The following CCN4 variants were observed in gnomAD, a reference collection of about 807,000 sequenced individuals.
CCN4 encodes cellular communication network factor 4.
CCN4 carries 30 observed loss-of-function variants against 36.7 expected under a neutral mutation model. The observed-to-expected ratio is 0.82, with a 90% CI of 0.61 to 1.11. The LOEUF (loss-of-function observed/expected upper bound fraction) is 1.11. CCN4 is among the 50% of genes least tolerant of loss of function. CCN4 has a pLI of 0.00. For synonymous variants in CCN4, 191 were observed against 195.4 expected (o/e 0.98, Z 0.19); for missense variants, 505 against 504.9 (o/e 1.00, Z 0.00).
rs1401755652 is a variant in CCN4 at position 133,193,372 on chromosome 8, G to A, written c.69+2159G>A. Among the ~76,000 whole-genome samples, 9 of 152,330 alleles carry A rather than the reference G, an allele frequency of 5.9e-5. No homozygotes were observed. In the South Asian group the frequency reaches 1.0e-3, roughly 18 times the overall value. ...CTGTAAAGATTCTGCAGTGGAAGGAGGAAGATGGCAGCCCAGAAGGAGATC... is the reference window on the plus strand; with the variant it reads ...CTGTAAAGATTCTGCAGTGGAAGGAAGAAGATGGCAGCCCAGAAGGAGATC... On this transcript the variant is annotated intron_variant, in intron 1 of 4. Transcript: ENST00000250160.
intron 1 of CCN4, among the ~76,000 whole-genome samples, chr8:133,205,737 G>A (rs1853748055): frequency 6.6e-6 from 1 of 152,208 alleles, no homozygotes; most frequent in Non-Finnish European, 1.5e-5. Flanking sequence ...CCTGGGGTTT[G>A]AGGATGAGCC....
At chr8:133,221,059 T>C (rs776632477) in intron 3 of CCN4, among the ~76,000 whole-genome samples, 4 of 152,210 alleles carry the variant, frequency 2.6e-5, no homozygotes, top group Non-Finnish European at 4.4e-5. Context: ...CCTCCCAGCA[T>C]AAAATGAGGA....
intron 1 of CCN4, among the ~76,000 whole-genome samples, chr8:133,202,831 A>C (rs1180237824): frequency 6.6e-6 from 1 of 152,192 alleles, no homozygotes; most frequent in African/African-American, 2.4e-5. Flanking sequence ...TAGGGGTGCA[A>C]GTGCCGGAGG....
At chr8:133,205,473 A>G (rs150011064) in intron 1 of CCN4, among the ~76,000 whole-genome samples, 1 of 152,226 alleles carries the variant, frequency 6.6e-6, no homozygotes, top group Non-Finnish European at 1.5e-5. Flanking sequence ...GTTGGACAGA[A>G]TGATGCAGGC....
chr8:133,205,830 G>C (rs1175319760), intron 1 of CCN4, among the ~76,000 whole-genome samples: 1 of 152,214 alleles, frequency 6.6e-6, no homozygotes, highest in Non-Finnish European at 1.5e-5. Context: ...GTATTGTTTA[G>C]CTGCAAAAAG....
chr8:133,209,232 G>A (rs1408208007), intron 1 of CCN4, among the ~76,000 whole-genome samples: 4 of 152,158 alleles, frequency 2.6e-5, no homozygotes, highest in Admixed American at 1.3e-4. Flanking sequence ...CACGAGTCAG[G>A]ACTCACTTGT....
In CCN4 at chr8:133,220,721, C is replaced by T. The variant is rs774356845; in HGVS notation, c.490C>T (p.Arg164Cys). 14 of 1,613,580 alleles carry T rather than the reference C, an allele frequency of 8.7e-6. No homozygotes were observed. Among genetic ancestry groups the T allele is most frequent in the East Asian group, 2.2e-5 (1 of 44,876 alleles). Residue 164 changes from arginine (R) to cysteine (C), a missense_variant, in exon 3 of 5, where the codon CGT (arginine) becomes TGT (cysteine). Transcript: ENST00000250160. ...TPLCLRVRPP[R>C]LWCPHPRRVS... ...ACTGTGCCTCCGAGTGCGCCCCCCG[C>T]GTCTCTGGTGCCCCCACCCGCGGCG...
chr8:133,207,647 A>C (rs1853828281), intron 1 of CCN4, among the ~76,000 whole-genome samples: 1 of 152,308 alleles, frequency 6.6e-6, no homozygotes, highest in African/African-American at 2.4e-5. Context: ...ACATTAGCAG[A>C]CCTGCCTTGT....
intron 2 of CCN4, among the ~76,000 whole-genome samples, chr8:133,216,643 C>G (rs926389153): frequency 6.6e-6 from 1 of 152,192 alleles, no homozygotes; most frequent in Non-Finnish European, 1.5e-5. Context: ...TTCAGTTGCA[C>G]AAACACTACT....
intron 1 of CCN4, among the ~76,000 whole-genome samples, chr8:133,191,513 A>T (rs1163676553): frequency 6.6e-6 from 1 of 152,098 alleles, no homozygotes; most frequent in African/African-American, 2.4e-5. Flanking sequence ...ACTGGGAGTC[A>T]GGGGCCCGGG....
chr8:133,223,612 A>G (rs1564266805), intron 3 of CCN4, among the ~76,000 whole-genome samples: 2 of 149,642 alleles, frequency 1.3e-5, no homozygotes, highest in East Asian at 4.0e-4. Flanking sequence ...TATTACTTTT[A>G]TTACCTTCCT....
chr8:133,191,242 G>T, intron 1 of CCN4, 29 bp downstream of exon 1: 1 of 1,597,064 alleles, frequency 6.3e-7, no homozygotes, highest in South Asian at 1.1e-5. Flanking sequence ...GGCTCAGAGG[G>T]AGACCCAGCT....
chr8:133,218,856 G>A (rs994281671), intron 2 of CCN4, among the ~76,000 whole-genome samples: 5 of 152,118 alleles, frequency 3.3e-5, no homozygotes, highest in East Asian at 1.9e-4. Flanking sequence ...GCCATCTCAC[G>A]CATAATGGAG....
At chr8:133,215,819 A>T (rs966146524) in intron 2 of CCN4, among the ~76,000 whole-genome samples, 1 of 152,358 alleles carries the variant, frequency 6.6e-6, no homozygotes, top group African/African-American at 2.4e-5. Flanking sequence ...AAGCATTGAG[A>T]TAAATAAAGC....
At position 133,228,368 on chromosome 8, in the gene CCN4, C is replaced by T. The variant is rs1292713671; in HGVS notation, c.*658C>T. ...TGTGAAGGGTACAGATTAGGTTTGTCCCAGTCAGAAATAAAATTTGATAAA... is the reference window on the plus strand; with the variant it reads ...TGTGAAGGGTACAGATTAGGTTTGTTCCAGTCAGAAATAAAATTTGATAAA... On this transcript the variant is annotated 3_prime_UTR_variant, in exon 5 of 5. Transcript: ENST00000250160. 1 of 152,202 alleles carries T rather than the reference C, an allele frequency of 6.6e-6. No individual in the cohort carries two copies. Among genetic ancestry groups the T allele is most frequent in the Non-Finnish European group, 1.5e-5 (1 of 68,046 alleles). 9.4% of individuals were successfully genotyped at this position (152,202 alleles called of 1,614,324 possible). A position where few individuals can be genotyped will look rare whatever the true frequency, so the allele number is the denominator to read the frequency against.
intron 1 of CCN4, among the ~76,000 whole-genome samples, chr8:133,205,756 C>T (rs1349013212): frequency 6.6e-6 from 1 of 152,166 alleles, no homozygotes; most frequent in African/African-American, 2.4e-5. Flanking sequence ...CCCCAGCCCC[C>T]AGAAGGAAAG....
intron 1 of CCN4, among the ~76,000 whole-genome samples, chr8:133,195,651 G>A (rs915386690): frequency 1.2e-4 from 19 of 152,200 alleles, no homozygotes; most frequent in African/African-American, 3.9e-4. Context: ...TTTCCCCCTC[G>A]GCATGGCATT....
chr8:133,220,588 C>G lies in CCN4; in HGVS notation c.357C>G (p.Val119=). 6.2e-7 allele frequency: 1 copy of G among 1,612,126 alleles called. No individual in the cohort carries two copies. The highest frequency in any genetic ancestry group is 8.5e-7 in the Non-Finnish European group (1 of 1,178,388). Residue 119 remains valine, a synonymous_variant, in exon 3 of 5, where the codon GTC becomes GTG. Transcript: ENST00000250160. ...RYAIGVCAQV[V]GVGCVLDGVR... is the part of the protein sequence containing the mutation. The stretch of plus-strand genomic sequence containing the variant: ...GGCCACCTGTGTTTGCAGAGGTGGT[C>G]GGTGTGGGCTGCGTCCTGGATGGGG...
At chr8:133,197,933 C>G (rs543264998) in intron 1 of CCN4, among the ~76,000 whole-genome samples, 1 of 152,266 alleles carries the variant, frequency 6.6e-6, no homozygotes, top group South Asian at 2.1e-4. Context: ...GGGGAATATC[C>G]TGAGAGAGCA....
Sources: allele counts gnomAD v4.1 joint callset (sites outside exome capture counted in the v4.1 genomes callset), GRCh38; gene constraint gnomAD v4.1.1; transcripts MANE v1.5; gene names NCBI Gene and HGNC (gene_info 2026-07-23, HGNC 2026-07-21).